NADK2: variants seen among roughly 807,000 people sequenced by gnomAD.
NADK2 encodes the protein NAD kinase domain-containing protein 1, mitochondrial.
In NADK2, 35 loss-of-function variants were observed where a neutral mutation model predicts 62.1. The ratio of observed to expected loss-of-function variants is 0.56; its 90% CI spans 0.43 to 0.75. The LOEUF (loss-of-function observed/expected upper bound fraction) is 0.75. NADK2 is among the 30% of genes least tolerant of loss of function. NADK2 has a pLI of 0.00. For missense variants in NADK2, 439 were observed against 561.3 expected (o/e 0.78, Z 2.20); for synonymous variants, 205 against 207.9 (o/e 0.99, Z 0.12).
chr5:36,204,711 T>G (rs769809957), intron 8 of NADK2, among the ~76,000 whole-genome samples: 1 of 152,098 alleles, frequency 6.6e-6, no homozygotes, highest in Non-Finnish European at 1.5e-5. Flanking sequence ...TCTTTTTAAA[T>G]GATACTTCTT....
chr5:36,197,129 G>T (rs990411639), intron 11 of NADK2, among the ~76,000 whole-genome samples: 1 of 151,964 alleles, frequency 6.6e-6, no homozygotes, highest in Non-Finnish European at 1.5e-5. Flanking sequence ...AAACCTAGAA[G>T]AAATGAATAC....
At chr5:36,226,289 A>G (rs1747479719) in intron 3 of NADK2, among the ~76,000 whole-genome samples, 186 bp downstream of exon 3, 1 of 152,190 alleles carries the variant, frequency 6.6e-6, no homozygotes, top group Non-Finnish European at 1.5e-5. Context: ...ACCTCATAGT[A>G]ACGTCATTCA....
In NADK2 at chr5:36,217,740, C is replaced by T. The variant is rs763429924; in HGVS notation, c.781+8G>A. 1 of 1,613,662 alleles carries T rather than the reference C, an allele frequency of 6.2e-7. No homozygotes were observed. The highest frequency in any genetic ancestry group is 1.1e-5 in the South Asian group (1 of 91,056). ...TCCCCAAACACATCTGATGCCCAAT[C>T]CACCTACTTTCATCATGAGCTCTTT... On this transcript the variant is annotated splice_region_variant and intron_variant, in intron 6 of 11. Transcript: ENST00000381937.
chr5:36,209,374 G>T (rs1382911472), intron 7 of NADK2, among the ~76,000 whole-genome samples: 1 of 152,060 alleles, frequency 6.6e-6, no homozygotes, highest in African/African-American at 2.4e-5. Flanking sequence ...TAATTTTTTA[G>T]TAAGTACAAA....
At chr5:36,206,144 G>T (rs930681644) in intron 8 of NADK2, among the ~76,000 whole-genome samples, 1 of 151,952 alleles carries the variant, frequency 6.6e-6, no homozygotes, top group African/African-American at 2.4e-5. Flanking sequence ...GGCCTTTTGT[G>T]GGGTGGGAGA....
chr5:36,235,948 T>TG (rs1299009056), intron 1 of NADK2, among the ~76,000 whole-genome samples: 9 of 151,570 alleles, frequency 5.9e-5, no homozygotes, highest in Admixed American at 5.9e-4. Flanking sequence ...CTGGCACACT[T>TG]GCTGATATTT....
chr5:36,242,253 G>C (rs1434576636), upstream of NADK2: 1 of 152,322 alleles, frequency 6.6e-6, no homozygotes, highest in Non-Finnish European at 1.5e-5. Flanking sequence ...TGCGGCCTGA[G>C]AAAGAGGTAG....
In NADK2 at chr5:36,194,953, A is replaced by T. The variant is rs112275083; in HGVS notation, c.*191T>A. ...GTATCAATTCTAATTGGTTCAGTCC[A>T]TCCATTTTCTTATACAGTGAATGTC... On this transcript the variant is annotated 3_prime_UTR_variant, in exon 12 of 12. Transcript: ENST00000381937. 1 of 529,566 alleles carries T rather than the reference A, an allele frequency of 1.9e-6. No individual in the cohort carries two copies. The highest frequency in any genetic ancestry group is 3.2e-6 in the Non-Finnish European group (1 of 314,724). 32.8% of individuals were successfully genotyped at this position (529,566 alleles called of 1,614,324 possible).
In NADK2 at chr5:36,241,491, G is replaced by A. The variant is rs2112223473; in HGVS notation, c.300+8C>T. 1 of 1,541,514 alleles carries A rather than the reference G, an allele frequency of 6.5e-7. No individual in the cohort carries two copies. Among genetic ancestry groups the A allele is most frequent in the East Asian group, 2.6e-5 (1 of 38,628 alleles). ...CCGGGAGCGAAGCGGGGCCGAGCCA[G>A]GACCCACCAGCTGCTTCAGGTCCTC... is the stretch of plus-strand genomic sequence containing the variant. On this transcript the variant is annotated splice_region_variant and intron_variant, in intron 1 of 11. Coordinates refer to ENST00000381937, the MANE Select transcript of NADK2 (RefSeq NM_001085411.3). The surrounding 1 kb of genome is among the most constrained non-coding windows in gnomAD (Gnocchi z 4.9).
At position 36,241,288 on chromosome 5, in the gene NADK2, T is replaced by A. The variant is rs534609933; in HGVS notation, c.300+211A>T. ...GAACCACTGTCCCTCTCTCTCCCCC[T>A]CTCCCCGGCCCTGCCTCTCCCTCGC... On this transcript the variant is annotated intron_variant, in intron 1 of 11. Transcript: ENST00000381937. This position sits in a 1 kb window ranked among gnomAD's most constrained non-coding sequence, Gnocchi z 4.9. 426 of 988,582 alleles carry A rather than the reference T, an allele frequency of 4.3e-4. 4 individuals carry two copies. The South Asian group carries it at 4.7e-3, about 11-fold the overall frequency. The allele number at this position is 988,582 out of a possible 1,614,324, so 61.2% of individuals were successfully genotyped here. A position where few individuals can be genotyped will look rare whatever the true frequency, so the allele number is the denominator to read the frequency against.
intron 4 of NADK2, among the ~76,000 whole-genome samples, chr5:36,220,845 T>C (rs1449862447): frequency 6.6e-6 from 1 of 152,158 alleles, no homozygotes; most frequent in Non-Finnish European, 1.5e-5. Flanking sequence ...GCTGGCAAAT[T>C]GGTGCTGGCC....
chr5:36,213,915 C>T lies in NADK2; in HGVS notation c.782-1993G>A, dbSNP rs76425283. Reference sequence around the variant, plus strand: ...ACTGTAACCATGTTTCCCTTTTATGCGGTCTTGACTTTCCACCTCTATTCC... The same window carrying T: ...ACTGTAACCATGTTTCCCTTTTATGTGGTCTTGACTTTCCACCTCTATTCC... On this transcript the variant is annotated intron_variant, in intron 6 of 11. Transcript: ENST00000381937. 0.013 allele frequency among the ~76,000 whole-genome samples: 1,990 copies of T among 151,984 alleles called. 160 individuals carry two copies. The East Asian group carries it at 0.21, about 16-fold the overall frequency.
intron 11 of NADK2, among the ~76,000 whole-genome samples, chr5:36,196,386 G>A (rs192882317): frequency 6.6e-6 from 1 of 152,110 alleles, no homozygotes; most frequent in Non-Finnish European, 1.5e-5. Flanking sequence ...TGAATAATAA[G>A]GTCAATCATG....
At chr5:36,220,518 C>T (rs958747482) in intron 4 of NADK2, among the ~76,000 whole-genome samples, 2 of 152,144 alleles carry the variant, frequency 1.3e-5, no homozygotes, top group Admixed American at 6.5e-5. Context: ...GCGTGAAGGG[C>T]ACAGAAAAGT....
At position 36,241,651 on chromosome 5, in the gene NADK2, C is replaced by A. The variant is rs1483541378; in HGVS notation, c.148G>T (p.Gly50Trp). 1 of 1,310,126 alleles carries A rather than the reference C, an allele frequency of 7.6e-7. No homozygotes were observed. The highest frequency in any genetic ancestry group is 1.5e-5 in the African/African-American group (1 of 64,752). The allele number at this position is 1,310,126 out of a possible 1,614,324, so 81.2% of individuals were successfully genotyped here. A position where few individuals can be genotyped will look rare whatever the true frequency, so the allele number is the denominator to read the frequency against. Residue 50 changes from glycine (G) to tryptophan (W), a missense_variant, in exon 1 of 12, where the codon GGG becomes TGG. Physicochemically the swap from Gly to Trp is radical, Grantham distance 184. Transcript: ENST00000381937. The surrounding 1 kb of genome is among the most constrained non-coding windows in gnomAD (Gnocchi z 4.9). The stretch of plus-strand genomic sequence containing the variant: ...CAGCCCGCCAGCTCGCGCGGCTGCC[C>A]CTGCCCCAGGTGCCGCCGGCCGCCA... ...DGGGRRHLGQ[G>W]QPRELAGCGS...
chr5:36,230,029 T>C (rs1289631779), intron 1 of NADK2, among the ~76,000 whole-genome samples: 1 of 151,798 alleles, frequency 6.6e-6, no homozygotes, highest in African/African-American at 2.4e-5. Context: ...CGTGAACCAC[T>C]GCACAAGCCT....
rs1245008634 is a variant in NADK2, at chr5:36,194,103, A to AAAAT, written c.*1037_*1040dup. 6.6e-6 allele frequency: 1 copy of AAAAT among 152,164 alleles called. No individual in the cohort carries two copies. Among genetic ancestry groups the AAAAT allele is most frequent in the Admixed American group, 6.5e-5 (1 of 15,270 alleles). The allele number at this position is 152,164 out of a possible 1,614,324, so 9.4% of individuals were successfully genotyped here. ...AATAATTAGATAATAATTTCCTCCAAAAATAAAGGAATTCTCATGGGGAAA... is the reference window on the plus strand; with the variant it reads ...AATAATTAGATAATAATTTCCTCCAAAAATAAATAAAGGAATTCTCATGGGGAAA... On this transcript the variant is annotated 3_prime_UTR_variant, in exon 12 of 12. Transcript: ENST00000381937.
intron 1 of NADK2, among the ~76,000 whole-genome samples, chr5:36,239,515 CA>C (rs1333174614): frequency 1.3e-5 from 2 of 152,210 alleles, no homozygotes; most frequent in African/African-American, 4.8e-5. Flanking sequence ...TTATCCCAAA[CA>C]GCATTACCTA....
chr5:36,207,208 T>C lies in NADK2; in HGVS notation c.918A>G (p.Ser306=). 1 of 1,613,320 alleles carries C rather than the reference T, an allele frequency of 6.2e-7. No homozygotes were observed. The highest frequency in any genetic ancestry group is 8.5e-7 in the Non-Finnish European group (1 of 1,179,508). ...CTGTTCCAGTACACAAATTGAGCCC[T>C]GAACTCTTCTGTTTTTCCCATGGAC... ...DDGPWEKQKS[S]GLNLCTGTGS... The change falls in exon 8 of 12, where the codon TCA becomes TCG. Residue 306 remains serine (S), a synonymous_variant. Coordinates refer to ENST00000381937, the MANE Select transcript of NADK2 (RefSeq NM_001085411.3).
Sources: gnomAD v4.1 joint callset for allele counts (sites outside exome capture counted in the v4.1 genomes callset) on GRCh38, gnomAD v4.1.1 for gene constraint, Gnocchi (gnomAD v3.1) non-coding constraint, MANE v1.5 for transcripts, NCBI Gene and HGNC (gene_info 2026-07-23, HGNC 2026-07-21) for gene names.